Variants in ZC3H7B observed in about 807,000 individuals in gnomAD.
The protein encoded by ZC3H7B is zinc finger CCCH domain-containing protein 7B.
A neutral mutation model predicts 116.0 loss-of-function variants in ZC3H7B; 35 were observed. The ratio of observed to expected loss-of-function variants is 0.30; its 90% CI spans 0.23 to 0.40. The LOEUF is 0.40. Ranked by LOEUF, ZC3H7B falls within the 10% of genes least tolerant of loss-of-function variation. The pLI is 1.00. For synonymous variants in ZC3H7B, 502 were observed against 545.6 expected (o/e 0.92, Z 1.11); for missense variants, 1,011 against 1,321.5 (o/e 0.77, Z 3.64).
Position 41,325,845 on chromosome 22 carries a change from C to A in ZC3H7B, c.212C>A (p.Ser71Tyr), listed in dbSNP as rs201113910. Residue 71 changes from serine to tyrosine, a missense_variant, in exon 4 of 23, where the codon TCT becomes TAT. This residue lies in a region of ZC3H7B where 322 missense variants were observed against 443.9 expected (regional missense o/e 0.73). Coordinates refer to ENST00000352645, the MANE Select transcript of ZC3H7B (RefSeq NM_017590.6). Reference sequence around the variant, plus strand: ...CTGAACGTGGCCGACTACGCTGCCTCTGACCAGGTGGCCCTGCCCCGGGAG... The same window carrying A: ...CTGAACGTGGCCGACTACGCTGCCTATGACCAGGTGGCCCTGCCCCGGGAG... ...EGLNVADYAA[S>Y]DQVALPRELL... The A allele has an allele frequency of 6.2e-7, 1 of 1,612,900 alleles. No homozygotes were observed. Among genetic ancestry groups the A allele is most frequent in the Non-Finnish European group, 8.5e-7 (1 of 1,179,794 alleles).
intron 1 of ZC3H7B, 80 bp downstream of exon 1, chr22:41,301,852 C>T (rs2035969467): frequency 1.3e-5 from 2 of 151,772 alleles, no homozygotes; most frequent in African/African-American, 4.8e-5. Flanking sequence ...CGCGAGGGTT[C>T]GGGGACGCCC....
rs185877860 is a variant in ZC3H7B, at chr22:41,343,850, G to A, written c.1459+274G>A. On this transcript the variant is annotated intron_variant, in intron 13 of 22. Transcript: ENST00000352645. Reference sequence around the variant, plus strand: ...GCCCGTCACTGGCCTGTGCTCTGGAGTGTCAGGAGCCTACATGACTCATAG... The same window carrying A: ...GCCCGTCACTGGCCTGTGCTCTGGAATGTCAGGAGCCTACATGACTCATAG... 2.4e-3 allele frequency among the ~76,000 whole-genome samples: 370 copies of A among 151,834 alleles called. 1 individual carries two copies. Among genetic ancestry groups the A allele is most frequent in the Non-Finnish European group, 4.3e-3 (292 of 68,016 alleles).
intron 13 of ZC3H7B, among the ~76,000 whole-genome samples, chr22:41,344,849 C>G (rs2036564613): frequency 1.3e-5 from 2 of 152,180 alleles, no homozygotes; most frequent in Admixed American, 1.3e-4. Flanking sequence ...CTCTGTTGCC[C>G]AGGCCAGAGT....
chr22:41,331,115 C>T (rs572024251), intron 6 of ZC3H7B, among the ~76,000 whole-genome samples: 1 of 145,866 alleles, frequency 6.9e-6, no homozygotes, highest in East Asian at 2.2e-4. Context: ...CCTCAGCCTC[C>T]CAAAGTGCTG....
Position 41,320,691 on chromosome 22 carries a change from G to A in ZC3H7B, c.31G>A (p.Glu11Lys), listed in dbSNP as rs778544565. ...GAGGCAGAAACGGAAGGCGGACATC[G>A]AGAAAGGGCTGCAGTTCATTCAGTA... MERQKRKADI[E>K]KGLQFIQSTL... The change falls in exon 2 of 23, where the codon GAG (glutamate) becomes AAG (lysine). Residue 11 changes from glutamate to lysine, a missense_variant. Glu to Lys is a moderately conservative substitution (Grantham distance 56). This residue lies in a region of ZC3H7B where 322 missense variants were observed against 443.9 expected (regional missense o/e 0.73). Transcript: ENST00000352645. 1.6e-5 allele frequency: 26 copies of A among 1,611,848 alleles called. No individual in the cohort carries two copies. In the South Asian group the frequency reaches 1.9e-4, roughly 12 times the overall value.
intron 5 of ZC3H7B, among the ~76,000 whole-genome samples, chr22:41,329,248 C>T (rs1002034727): frequency 1.8e-4 from 25 of 140,378 alleles, no homozygotes; most frequent in African/African-American, 6.8e-4. Context: ...CCCCACAAAA[C>T]AAAACTAAGC....
chr22:41,310,619 G>A (rs2145898321), intron 1 of ZC3H7B, among the ~76,000 whole-genome samples: 1 of 152,292 alleles, frequency 6.6e-6, no homozygotes, highest in East Asian at 1.9e-4. Context: ...ATGCCACAGT[G>A]TTAGACAGTC....
intron 1 of ZC3H7B, among the ~76,000 whole-genome samples, chr22:41,310,255 G>A (rs997562521): frequency 6.6e-6 from 1 of 152,286 alleles, no homozygotes; most frequent in African/African-American, 2.4e-5. Flanking sequence ...TGTTGTGAGT[G>A]CTCTCTACAG....
Position 41,358,852 on chromosome 22 carries a change from C to G in ZC3H7B, c.*1423C>G, listed in dbSNP as rs2036753529. On this transcript the variant is annotated 3_prime_UTR_variant, in exon 23 of 23. Transcript: ENST00000352645. Reference sequence around the variant, plus strand: ...GTTCCCCAGACATTCCAGAATGCCCCACATCATTGGCACAGGAGTGGGGCA... The same window carrying G: ...GTTCCCCAGACATTCCAGAATGCCCGACATCATTGGCACAGGAGTGGGGCA... The G allele has an allele frequency of 6.5e-6, 1 of 154,784 alleles. No homozygotes were observed. Among genetic ancestry groups the G allele is most frequent in the Non-Finnish European group, 1.5e-5 (1 of 68,274 alleles). The allele number at this position is 154,784 out of a possible 1,614,324, so 9.6% of individuals were successfully genotyped here.
At position 41,327,637 on chromosome 22, in the gene ZC3H7B, A is replaced by G. The variant is rs1241892860; in HGVS notation, c.444+273A>G. ...TGTGATTATTCTCATTTTAAAGATGATGAGGCCAGACACAGTGGCTCACGC... is the reference window on the plus strand; with the variant it reads ...TGTGATTATTCTCATTTTAAAGATGGTGAGGCCAGACACAGTGGCTCACGC... On this transcript the variant is annotated intron_variant, in intron 5 of 22. Transcript: ENST00000352645. The surrounding 1 kb of genome is among the most constrained non-coding windows in gnomAD (Gnocchi z 4.5). 6.6e-6 allele frequency among the ~76,000 whole-genome samples: 1 copy of G among 152,266 alleles called. No individual in the cohort carries two copies. The highest frequency in any genetic ancestry group is 1.5e-5 in the Non-Finnish European group (1 of 68,052).
intron 2 of ZC3H7B, among the ~76,000 whole-genome samples, chr22:41,322,638 C>T (rs2036272226): frequency 6.6e-6 from 1 of 152,136 alleles, no homozygotes; most frequent in South Asian, 2.1e-4. Flanking sequence ...TTGCACGAGC[C>T]CCTTCCGAGG....
At position 41,358,596 on chromosome 22, in the gene ZC3H7B, C is replaced by A. The variant is rs1390092919; in HGVS notation, c.*1167C>A. 1 of 152,460 alleles carries A rather than the reference C, an allele frequency of 6.6e-6. No individual in the cohort carries two copies. Among genetic ancestry groups the A allele is most frequent in the Non-Finnish European group, 1.5e-5 (1 of 68,252 alleles). 9.4% of individuals were successfully genotyped at this position (152,460 alleles called of 1,614,324 possible). A position where few individuals can be genotyped will look rare whatever the true frequency, so the allele number is the denominator to read the frequency against. On this transcript the variant is annotated 3_prime_UTR_variant, in exon 23 of 23. Transcript: ENST00000352645. ...CCAGGATGGGACACGGCCCCTCTTT[C>A]TTGGGGACCCAGTATGTCCTCTCCT...
chr22:41,319,762 C>T (rs2036231073), intron 1 of ZC3H7B, among the ~76,000 whole-genome samples: 1 of 152,162 alleles, frequency 6.6e-6, no homozygotes, highest in South Asian at 2.1e-4. Context: ...AGCACAGTGG[C>T]TAACGCCTGT....
chr22:41,355,825 C>T lies in ZC3H7B; in HGVS notation c.2237C>T (p.Pro746Leu), dbSNP rs2036706462. The T allele has an allele frequency of 4.3e-6, 7 of 1,613,726 alleles. No homozygotes were observed. The highest frequency in any genetic ancestry group is 4.2e-6 in the Non-Finnish European group (5 of 1,180,002). The change falls in exon 19 of 23, where the codon CCA (proline) becomes CTA (leucine). Residue 746 changes from proline (P) to leucine (L), a missense_variant. Pro to Leu is a moderately conservative substitution (Grantham distance 98, BLOSUM62 -3). This residue lies in a region of ZC3H7B where 406 missense variants were observed against 590.2 expected (regional missense o/e 0.69). Transcript: ENST00000352645. ...AAGAGGAAATGGGTGTCAGTGAGGC[C>T]ACTGCCATCCATTCGTAACTTCCCA... ...KAKRKWVSVR[P>L]LPSIRNFPQQ...
At chr22:41,317,302 A>G (rs1026185707) in intron 1 of ZC3H7B, among the ~76,000 whole-genome samples, 3 of 152,182 alleles carry the variant, frequency 2.0e-5, no homozygotes, top group Non-Finnish European at 4.4e-5. Flanking sequence ...TGAATTGCCA[A>G]TACCATCCTT....
chr22:41,305,439 G>A (rs1484255195), intron 1 of ZC3H7B, among the ~76,000 whole-genome samples: 1 of 152,046 alleles, frequency 6.6e-6, no homozygotes, highest in Admixed American at 6.6e-5. Context: ...GAACCTGGGG[G>A]GTGGAGGTTG....
intron 1 of ZC3H7B, among the ~76,000 whole-genome samples, chr22:41,311,110 A>G (rs1381303264): frequency 7.0e-6 from 1 of 142,554 alleles, no homozygotes; most frequent in Non-Finnish European, 1.5e-5. Flanking sequence ...ATTCGCGTGT[A>G]TATGTGCATG....
In ZC3H7B at chr22:41,301,672, C is replaced by A. The variant is rs1426632030; in HGVS notation, c.-107C>A. ...GCCGCCCGTAATTAAATAGCATTTACTCTTATTATTACTAATAATAATAAC... is the reference window on the plus strand; with the variant it reads ...GCCGCCCGTAATTAAATAGCATTTAATCTTATTATTACTAATAATAATAAC... On this transcript the variant is annotated 5_prime_UTR_variant, in exon 1 of 23. Coordinates refer to ENST00000352645, the MANE Select transcript of ZC3H7B (RefSeq NM_017590.6). 1 of 152,188 alleles carries A rather than the reference C, an allele frequency of 6.6e-6. No individual in the cohort carries two copies. Among genetic ancestry groups the A allele is most frequent in the Non-Finnish European group, 1.5e-5 (1 of 68,036 alleles). The allele number at this position is 152,188 out of a possible 1,614,324, so 9.4% of individuals were successfully genotyped here.
chr22:41,353,457 C>G (rs2036678439), intron 17 of ZC3H7B, among the ~76,000 whole-genome samples: 1 of 152,260 alleles, frequency 6.6e-6, no homozygotes, highest in Non-Finnish European at 1.5e-5. Flanking sequence ...CTAAGCTGCC[C>G]TGTGCTCACA....
Sources: allele counts gnomAD v4.1 joint callset (sites outside exome capture counted in the v4.1 genomes callset), GRCh38; gene constraint gnomAD v4.1.1; regional missense constraint gnomAD v4.1.1; non-coding constraint Gnocchi (gnomAD v3.1); transcripts MANE v1.5; gene names NCBI Gene and HGNC (gene_info 2026-07-23, HGNC 2026-07-21).